The following MARK4 variants were observed in gnomAD, a reference collection of about 807,000 sequenced individuals.
MARK4 encodes microtubule affinity regulating kinase 4, also known as MAP/microtubule affinity-regulating kinase 4.
A neutral mutation model predicts 81.5 loss-of-function variants in MARK4; 19 were observed. The ratio of observed to expected loss-of-function variants is 0.23; its 90% CI spans 0.16 to 0.34. The LOEUF (loss-of-function observed/expected upper bound fraction) is 0.34, where lower values mean the gene tolerates loss of function less well. MARK4 is among the 10% of genes least tolerant of loss of function. The probability of loss-of-function intolerance (pLI) is 1.00; values close to 1 mark genes in which losing one functional copy is unlikely to be tolerated. For synonymous variants in MARK4, 436 were observed against 439.0 expected, an observed-to-expected ratio of 0.99 and a Z score of 0.08; for missense variants, 772 against 1,058.8, an observed-to-expected ratio of 0.73 and a Z score of 3.76.
chr19:45,300,345 A>G (rs1359742660), intron 16 of MARK4, among the ~76,000 whole-genome samples: 2 of 34,836 alleles, frequency 5.7e-5, no homozygotes, highest in Non-Finnish European at 1.0e-4. Context: ...ACTCCGTCTG[A>G]AAAAAAAAAA....
intron 9 of MARK4, 33 bp from the exon 10 acceptor site, chr19:45,278,483 G>T (rs1970630325): frequency 6.3e-7 from 1 of 1,586,438 alleles, no homozygotes; most frequent in East Asian, 2.2e-5. Flanking sequence ...TCTGACACCT[G>T]TCTTCCCCCT....
chr19:45,281,242 T>TG (rs1970670145), intron 12 of MARK4, among the ~76,000 whole-genome samples: 1 of 151,658 alleles, frequency 6.6e-6, no homozygotes, highest in Non-Finnish European at 1.5e-5. Context: ...TCAGTAGAGA[T>TG]GGGGTTTCAC....
At position 45,287,469 on chromosome 19, in the gene MARK4, G is replaced by A; in HGVS notation, c.1299G>A (p.Leu433=). The A allele has an allele frequency of 8.8e-6, 13 of 1,473,894 alleles. No individual in the cohort carries two copies. The highest frequency in any genetic ancestry group is 1.2e-5 in the Non-Finnish European group (13 of 1,106,646). 91.3% of individuals were successfully genotyped at this position (1,473,894 alleles called of 1,614,324 possible). A position where few individuals can be genotyped will look rare whatever the true frequency, so the allele number is the denominator to read the frequency against. Residue 433 remains leucine (L), a synonymous_variant, in exon 13 of 17, where the codon CTG becomes CTA. Coordinates refer to ENST00000262891, the MANE Select transcript of MARK4 (RefSeq NM_001199867.2). ...CAGGTGGCCCATCCCCTGCACCCCT[G>A]CACCCCAAACGCAGCCCGACGAGCA... ...SDFCGPSPAP[L]HPKRSPTSTG...
intron 12 of MARK4, among the ~76,000 whole-genome samples, 167 bp from the exon 13 acceptor site, chr19:45,287,280 C>A (rs997857490): frequency 9.9e-5 from 15 of 151,100 alleles, no homozygotes; most frequent in Admixed American, 1.3e-4. Flanking sequence ...GTTTCTAAGT[C>A]AGTATATGTG....
intron 1 of MARK4, among the ~76,000 whole-genome samples, chr19:45,255,468 G>A (rs1345476332): frequency 6.6e-6 from 1 of 151,166 alleles, no homozygotes; most frequent in Non-Finnish European, 1.5e-5. Flanking sequence ...GGCTGAGGCA[G>A]GAGAATTGCT....
rs1181867140 is a variant in MARK4 at position 45,259,029 on chromosome 19, C to T, written c.92C>T (p.Pro31Leu). ...AGTGGCCGCTCCTCGGACAAAGGCC[C>T]GTCCTGGTCCAGCCGCTCACTGGGT... ...LGSGRSSDKG[P>L]SWSSRSLGAR... is the part of the protein sequence containing the mutation. The change falls in exon 2 of 17, where the codon CCG becomes CTG. Residue 31 changes from proline to leucine, a missense_variant. Physicochemically the swap from Pro to Leu is moderately conservative, Grantham distance 98. Transcript: ENST00000262891. 7 of 1,613,612 alleles carry T rather than the reference C, an allele frequency of 4.3e-6. No individual in the cohort carries two copies. Among genetic ancestry groups the T allele is most frequent in the South Asian group, 2.2e-5 (2 of 91,050 alleles).
intron 13 of MARK4, among the ~76,000 whole-genome samples, chr19:45,289,500 G>A (rs1970793758): frequency 6.6e-6 from 1 of 151,948 alleles, no homozygotes; most frequent in South Asian, 2.1e-4. Flanking sequence ...GCTGGGCACG[G>A]TGGCTCATGC....
intron 13 of MARK4, chr19:45,287,871 G>C (rs1182810867): frequency 1.6e-6 from 1 of 637,506 alleles, no homozygotes; most frequent in Admixed American, 2.5e-5. Context: ...GTATAAATTA[G>C]TGTTCTGTGT....
Position 45,252,844 on chromosome 19 carries a change from C to A in MARK4, c.51+1205C>A, listed in dbSNP as rs1970261495. On this transcript the variant is annotated intron_variant, in intron 1 of 16. Transcript: ENST00000262891. The stretch of plus-strand genomic sequence containing the variant: ...CCCAAGAAGTTCCTACCCCATACTT[C>A]CAGGCCCCCCAGACCCTTCTCTGGT... 2.0e-5 allele frequency among the ~76,000 whole-genome samples: 3 copies of A among 152,134 alleles called. No individual in the cohort carries two copies. The South Asian group carries it at 6.2e-4, about 32-fold the overall frequency.
At chr19:45,267,329 G>A (rs894358395) in intron 7 of MARK4, among the ~76,000 whole-genome samples, 2 of 152,144 alleles carry the variant, frequency 1.3e-5, no homozygotes, top group African/African-American at 4.8e-5. Context: ...AGAGTGCTGG[G>A]ATTACAGATG....
At chr19:45,291,553 C>T (rs994257880) in intron 13 of MARK4, among the ~76,000 whole-genome samples, 13 of 152,302 alleles carry the variant, frequency 8.5e-5, no homozygotes, top group South Asian at 2.1e-4. Flanking sequence ...GAGGCTGAGG[C>T]GGGCGGATCA....
rs1971033424 is a variant in MARK4, at chr19:45,305,098, A to G, written c.*2388A>G. 1.3e-5 allele frequency: 2 copies of G among 152,434 alleles called. No homozygotes were observed. Among genetic ancestry groups the G allele is most frequent in the African/African-American group, 4.8e-5 (2 of 41,426 alleles). The allele number at this position is 152,434 out of a possible 1,614,324, so 9.4% of individuals were successfully genotyped here. ...CAGGAAAGAGGTCGGGGCTGGACAGATGGGGAGAGCGCAGATAGATTTAAG... is the reference window on the plus strand; with the variant it reads ...CAGGAAAGAGGTCGGGGCTGGACAGGTGGGGAGAGCGCAGATAGATTTAAG... On this transcript the variant is annotated 3_prime_UTR_variant, in exon 17 of 17. Transcript: ENST00000262891.
intron 15 of MARK4, 99 bp downstream of exon 15, chr19:45,298,053 C>T (rs1970913299): frequency 6.4e-7 from 1 of 1,557,466 alleles, no homozygotes; most frequent in Non-Finnish European, 8.7e-7. Flanking sequence ...CCAACATTTC[C>T]TCTTCCTCCT....
intron 10 of MARK4, 106 bp from the exon 11 acceptor site, chr19:45,280,268 C>A: frequency 9.8e-7 from 1 of 1,019,118 alleles, no homozygotes; most frequent in Non-Finnish European, 1.5e-6. Context: ...TGCCACTGCA[C>A]TCCAGCCTGG....
rs1019505035 is a variant in MARK4 at position 45,269,138 on chromosome 19, G to A, written c.550-2334G>A. Among the ~76,000 whole-genome samples the A allele has an allele frequency of 3.3e-5, 5 of 152,302 alleles. No individual in the cohort carries two copies. The South Asian group carries it at 1.0e-3, about 32-fold the overall frequency. On this transcript the variant is annotated intron_variant, in intron 7 of 16. Coordinates refer to ENST00000262891, the MANE Select transcript of MARK4 (RefSeq NM_001199867.2). ...ACACCTGTAATCTCAGCACTTTTTGGGAGGCCGAGGTGGGCGGATCACCTG... is the reference window on the plus strand; with the variant it reads ...ACACCTGTAATCTCAGCACTTTTTGAGAGGCCGAGGTGGGCGGATCACCTG...
intron 8 of MARK4, 80 bp from the exon 9 acceptor site, chr19:45,277,843 G>A (rs955440529): frequency 8.0e-7 from 1 of 1,257,762 alleles, no homozygotes. Context: ...GTGTGTGTGT[G>A]TGTGTGTGTG....
At position 45,271,789 on chromosome 19, in the gene MARK4, G is replaced by C; in HGVS notation, c.786+81G>C. ...ATCCCCCCCACACCTCCCCTGCAGA[G>C]GGCCTCAGTGGTGGGACTGGCCTGA... is the stretch of plus-strand genomic sequence containing the variant. On this transcript the variant is annotated intron_variant, in intron 8 of 16. Coordinates refer to ENST00000262891, the MANE Select transcript of MARK4 (RefSeq NM_001199867.2). This position sits in a 1 kb window ranked among gnomAD's most constrained non-coding sequence, Gnocchi z 4.1. 7.6e-7 allele frequency: 1 copy of C among 1,322,514 alleles called. No individual in the cohort carries two copies. 81.9% of individuals were successfully genotyped at this position (1,322,514 alleles called of 1,614,324 possible).
Position 45,266,263 on chromosome 19 carries a change from T to C in MARK4, c.531T>C (p.Ile177=). The C allele has an allele frequency of 6.2e-7, 1 of 1,613,790 alleles. No individual in the cohort carries two copies. The highest frequency in any genetic ancestry group is 1.1e-5 in the South Asian group (1 of 91,080). The stretch of plus-strand genomic sequence containing the variant: ...TGCACTATTGTCACCAGAAAAATAT[T>C]GTACACAGGGACCTGAAGGTAAGCC... ...SAVHYCHQKN[I]VHRDLKAENL... Residue 177 remains isoleucine, a synonymous_variant, in exon 7 of 17, where the codon ATT becomes ATC. Coordinates refer to ENST00000262891, the MANE Select transcript of MARK4 (RefSeq NM_001199867.2).
chr19:45,264,649 TC>T, intron 4 of MARK4, 34 bp from the exon 5 acceptor site: 1 of 1,603,752 alleles, frequency 6.2e-7, no homozygotes, highest in Non-Finnish European at 8.5e-7. Flanking sequence ...GGGCCCTTTC[TC>T]CCTAATGCCC....
Sources: allele counts gnomAD v4.1 joint callset (sites outside exome capture counted in the v4.1 genomes callset), GRCh38; gene constraint gnomAD v4.1.1; non-coding constraint Gnocchi (gnomAD v3.1); transcripts MANE v1.5; gene names NCBI Gene and HGNC (gene_info 2026-07-23, HGNC 2026-07-21).